MBNL1: variants seen among roughly 807,000 people sequenced by gnomAD.
The protein encoded by MBNL1 is muscleblind like splicing regulator 1, also known as muscleblind-like protein 1.
A neutral mutation model predicts 42.2 loss-of-function variants in MBNL1; 8 were observed. That is an observed-to-expected ratio of 0.19 (90% CI 0.11 to 0.34). The LOEUF is 0.34. Ranked by LOEUF, MBNL1 falls within the 10% of genes least tolerant of loss-of-function variation. MBNL1 has a pLI of 1.00. For missense variants in MBNL1, 309 were observed against 495.3 expected, an observed-to-expected ratio of 0.62 and a Z score of 3.57; for synonymous variants, 169 against 173.9, an observed-to-expected ratio of 0.97 and a Z score of 0.22.
chr3:152,345,050 A>G (rs976428992), intron 2 of MBNL1, among the ~76,000 whole-genome samples: 17 of 151,972 alleles, frequency 1.1e-4, no homozygotes, highest in African/African-American at 3.4e-4. Flanking sequence ...CCATTTGGGC[A>G]TGAAAACGTT....
chr3:152,255,781 T>C (rs1033745831), intron 2 of MBNL1, among the ~76,000 whole-genome samples: 10 of 152,116 alleles, frequency 6.6e-5, no homozygotes, highest in Non-Finnish European at 8.8e-5. Context: ...TCTCCTGAGA[T>C]GGCCTATTTG....
In MBNL1 at chr3:152,296,701, T is replaced by TG. The variant is rs1253792756; in HGVS notation, c.-789-2704_-789-2703insG. On this transcript the variant is annotated intron_variant, in intron 1 of 9. Transcript: ENST00000324210. ...GTGTGTGTGTGTGTGTGTGTGTGTG[T>TG]TTTCAAATGTATGTTTCAGTGTGTT... is the stretch of plus-strand genomic sequence containing the variant. Among the ~76,000 whole-genome samples, 490 of 150,760 alleles carry TG rather than the reference T, an allele frequency of 3.3e-3. 3 individuals carry two copies. Among genetic ancestry groups the TG allele is most frequent in the African/African-American group, 0.011 (465 of 41,010 alleles).
At chr3:152,336,274 G>A (rs140796339) in intron 2 of MBNL1, among the ~76,000 whole-genome samples, 2 of 151,638 alleles carry the variant, frequency 1.3e-5, no homozygotes, top group Admixed American at 1.3e-4. Context: ...TTTCATTTTT[G>A]TTGTTTAGAT....
chr3:152,307,236 G>A (rs552420815), intron 2 of MBNL1, among the ~76,000 whole-genome samples: 69 of 152,250 alleles, frequency 4.5e-4, no homozygotes, highest in African/African-American at 1.5e-3. Context: ...TGATCAGCCC[G>A]CCTTGGCCTT....
chr3:152,346,275 A>G (rs1178390457), intron 2 of MBNL1, among the ~76,000 whole-genome samples: 1 of 152,096 alleles, frequency 6.6e-6, no homozygotes, highest in African/African-American at 2.4e-5. Context: ...TTAGAAGATG[A>G]TCCTCAACTG....
intron 2 of MBNL1, among the ~76,000 whole-genome samples, chr3:152,252,226 T>C (rs1456897071): frequency 4.9e-5 from 7 of 142,726 alleles, no homozygotes; most frequent in Non-Finnish European, 9.2e-5. Flanking sequence ...CTTCCTTCCT[T>C]CCTTCTTTTC....
At chr3:152,353,823 A>C (rs2095300804) in intron 2 of MBNL1, among the ~76,000 whole-genome samples, 2 of 152,106 alleles carry the variant, frequency 1.3e-5, no homozygotes, top group Non-Finnish European at 2.9e-5. Flanking sequence ...GCCTTCCCAG[A>C]GTTAAGAGCA....
intron 4 of MBNL1, among the ~76,000 whole-genome samples, chr3:152,442,379 A>C (rs2099156229): frequency 6.6e-6 from 1 of 152,340 alleles, no homozygotes; most frequent in South Asian, 2.1e-4. Context: ...AAGATCACCA[A>C]ATAATAGCTA....
chr3:152,325,959 A>G (rs571373443), intron 2 of MBNL1, among the ~76,000 whole-genome samples: 3 of 152,194 alleles, frequency 2.0e-5, no homozygotes, highest in Admixed American at 1.3e-4. Flanking sequence ...ATCAGCCAAC[A>G]TTTTGCCCTT....
At chr3:152,293,087 C>G (rs1483122035) in intron 1 of MBNL1, among the ~76,000 whole-genome samples, 1 of 152,130 alleles carries the variant, frequency 6.6e-6, no homozygotes, top group Non-Finnish European at 1.5e-5. Context: ...GTAAATTAAA[C>G]TTTAATTTCT....
intron 1 of MBNL1, among the ~76,000 whole-genome samples, chr3:152,279,007 A>G (rs1231625622): frequency 6.6e-6 from 1 of 152,144 alleles, no homozygotes; most frequent in Non-Finnish European, 1.5e-5. Context: ...GTGGAACTGA[A>G]TGGCAAGGGA....
chr3:152,409,067 T>C, intron 2 of MBNL1, among the ~76,000 whole-genome samples: 1 of 152,208 alleles, frequency 6.6e-6, no homozygotes, highest in East Asian at 1.9e-4. Flanking sequence ...TCGTGTTAGA[T>C]GCAGTTATTT....
chr3:152,386,309 CTGTT>C (rs1484375355), intron 2 of MBNL1, among the ~76,000 whole-genome samples: 1 of 152,102 alleles, frequency 6.6e-6, no homozygotes, highest in East Asian at 1.9e-4. Context: ...TCTTGGGAAA[CTGTT>C]ACACCCTTCT....
intron 8 of MBNL1, chr3:152,458,180 C>G: frequency 1.4e-5 from 22 of 1,613,792 alleles, no homozygotes; most frequent in Non-Finnish European, 1.9e-5. Flanking sequence ...TGTCCTGCAG[C>G]AGCAGGAAAA....
intron 4 of MBNL1, among the ~76,000 whole-genome samples, chr3:152,438,890 G>A (rs2099112538): frequency 6.6e-6 from 1 of 152,164 alleles, no homozygotes; most frequent in African/African-American, 2.4e-5. Context: ...AATGATGACT[G>A]TTAAGGTAAT....
At chr3:152,368,358 C>A (rs1202201952) in intron 2 of MBNL1, among the ~76,000 whole-genome samples, 1 of 151,972 alleles carries the variant, frequency 6.6e-6, no homozygotes, top group Non-Finnish European at 1.5e-5. Flanking sequence ...CTGTTCTGTT[C>A]CATTGGTCTA....
chr3:152,329,212 A>T (rs562698383), intron 2 of MBNL1, among the ~76,000 whole-genome samples: 2 of 152,306 alleles, frequency 1.3e-5, no homozygotes, highest in East Asian at 3.9e-4. Flanking sequence ...TACTGGTAGC[A>T]TTTAATATCA....
At chr3:152,272,106 A>C (rs1229648994) in intron 1 of MBNL1, among the ~76,000 whole-genome samples, 4 of 151,388 alleles carry the variant, frequency 2.6e-5, no homozygotes, top group Non-Finnish European at 5.9e-5. Context: ...AATGTGGCTA[A>C]CATCGTATTT....
chr3:152,455,432 A>G (rs1443121230), intron 6 of MBNL1, 110 bp from the exon 7 acceptor site: 1 of 847,606 alleles, frequency 1.2e-6, no homozygotes, highest in African/African-American at 1.7e-5. Context: ...TCCCATAATA[A>G]CAATTTTTCT....
Sources: gnomAD v4.1 joint callset for allele counts (sites outside exome capture counted in the v4.1 genomes callset) on GRCh38, gnomAD v4.1.1 for gene constraint, MANE v1.5 for transcripts, NCBI Gene and HGNC (gene_info 2026-07-23, HGNC 2026-07-21) for gene names.